CHRM2: variants seen among roughly 807,000 people sequenced by gnomAD.
CHRM2 encodes muscarinic acetylcholine receptor M2.
A neutral mutation model predicts 25.0 loss-of-function variants in CHRM2; 8 were observed. The observed-to-expected ratio is 0.32, with a 90% CI of 0.19 to 0.58. The LOEUF is 0.58. Ranked by LOEUF, CHRM2 falls within the 20% of genes least tolerant of loss-of-function variation. The probability of loss-of-function intolerance (pLI) is 0.88; values close to 1 mark genes in which losing one functional copy is unlikely to be tolerated. For missense variants in CHRM2, 440 were observed against 567.1 expected (o/e 0.78, Z 2.28); for synonymous variants, 202 against 205.7 (o/e 0.98, Z 0.15).
chr7:136,882,006 T>C (rs1192400845), intron 2 of CHRM2, among the ~76,000 whole-genome samples: 1 of 152,062 alleles, frequency 6.6e-6, no homozygotes, highest in Non-Finnish European at 1.5e-5. Flanking sequence ...CCATAAATCT[T>C]TTTTGTTTTA....
chr7:136,897,490 G>A (rs1664905269), intron 2 of CHRM2, among the ~76,000 whole-genome samples: 1 of 152,062 alleles, frequency 6.6e-6, no homozygotes, highest in African/African-American at 2.4e-5. Flanking sequence ...GTGACAAACA[G>A]ATGCAGATTT....
chr7:136,889,083 A>G (rs911219366), intron 2 of CHRM2, among the ~76,000 whole-genome samples: 12 of 148,852 alleles, frequency 8.1e-5, no homozygotes, highest in Admixed American at 7.4e-4. Flanking sequence ...AGTAATTACC[A>G]TTTCAAAAAA....
chr7:136,883,175 A>G (rs1796332424), intron 2 of CHRM2, among the ~76,000 whole-genome samples: 1 of 152,098 alleles, frequency 6.6e-6, no homozygotes, highest in South Asian at 2.1e-4. Flanking sequence ...AGTGGACCTA[A>G]GCTCCCTAGC....
chr7:136,995,274 G>A (rs77821818), intron 3 of CHRM2, among the ~76,000 whole-genome samples: 1 of 151,878 alleles, frequency 6.6e-6, no homozygotes, highest in Non-Finnish European at 1.5e-5. Context: ...AAGGAAGGTC[G>A]ACCTTAGCAA....
chr7:136,906,209 G>A (rs965953045), intron 2 of CHRM2, among the ~76,000 whole-genome samples: 28 of 149,068 alleles, frequency 1.9e-4, no homozygotes, highest in Admixed American at 1.6e-3. Context: ...ATATATATAC[G>A]CACACATATA....
chr7:136,919,059 G>A (rs1017539273), intron 2 of CHRM2, among the ~76,000 whole-genome samples: 4 of 151,970 alleles, frequency 2.6e-5, no homozygotes, highest in Admixed American at 1.3e-4. Context: ...GAAAAGAATC[G>A]GCCATTTTTC....
At chr7:136,881,052 T>G (rs1456868873) in intron 2 of CHRM2, among the ~76,000 whole-genome samples, 1 of 150,634 alleles carries the variant, frequency 6.6e-6, no homozygotes, top group East Asian at 1.9e-4. Flanking sequence ...TATAATGGTA[T>G]GTAGATGCCA....
chr7:136,951,381 A>G (rs1800405084), intron 2 of CHRM2, among the ~76,000 whole-genome samples: 1 of 152,234 alleles, frequency 6.6e-6, no homozygotes, highest in African/African-American at 2.4e-5. Flanking sequence ...TGTGTAAGAT[A>G]TATAATAGGC....
intron 2 of CHRM2, among the ~76,000 whole-genome samples, chr7:136,909,456 T>C (rs1429777168): frequency 6.6e-6 from 1 of 151,902 alleles, no homozygotes; most frequent in African/African-American, 2.4e-5. Flanking sequence ...ATGAGTTAGG[T>C]AATAATTTTA....
intron 2 of CHRM2, among the ~76,000 whole-genome samples, chr7:136,872,897 A>C (rs13235822): frequency 0.13 from 20,008 of 152,226 alleles, 1,473 homozygotes; most frequent in Non-Finnish European, 0.17. Context: ...TAGAATATGC[A>C]TGTGAGCGAA....
intron 3 of CHRM2, among the ~76,000 whole-genome samples, chr7:136,994,371 A>T (rs1264443796): frequency 1.3e-5 from 2 of 152,124 alleles, no homozygotes; most frequent in Admixed American, 6.6e-5. Context: ...ATAATCATTA[A>T]TATTATGACT....
chr7:137,006,015 C>T lies in CHRM2; in HGVS notation c.-46-8805C>T, dbSNP rs549804275. Among the ~76,000 whole-genome samples, 432 of 152,110 alleles carry T rather than the reference C, an allele frequency of 2.8e-3. 10 individuals carry two copies. Among genetic ancestry groups the T allele is most frequent in the Non-Finnish European group, 8.7e-4 (59 of 67,992 alleles). On this transcript the variant is annotated intron_variant, in intron 3 of 3. Coordinates refer to ENST00000680005, the MANE Select transcript of CHRM2 (RefSeq NM_001006630.2). Reference sequence around the variant, plus strand: ...ATTTTCCTTTCACTCTTCTTCCTTGCGGGAACAAAACAACCTTTAGACAGA... The same window carrying T: ...ATTTTCCTTTCACTCTTCTTCCTTGTGGGAACAAAACAACCTTTAGACAGA...
intron 2 of CHRM2, among the ~76,000 whole-genome samples, chr7:136,978,671 A>T (rs1179894211): frequency 1.3e-5 from 2 of 151,508 alleles, no homozygotes; most frequent in East Asian, 3.9e-4. Flanking sequence ...TCATTGTTCA[A>T]CTCCCACTTA....
intron 2 of CHRM2, among the ~76,000 whole-genome samples, chr7:136,983,389 C>T (rs1404445407): frequency 1.3e-5 from 2 of 152,126 alleles, no homozygotes; most frequent in African/African-American, 4.8e-5. Flanking sequence ...GCTCCTTTAG[C>T]TTGGAGGACT....
chr7:136,962,588 C>T (rs1801168948), intron 2 of CHRM2, among the ~76,000 whole-genome samples: 1 of 152,136 alleles, frequency 6.6e-6, no homozygotes, highest in Non-Finnish European at 1.5e-5. Flanking sequence ...ATGAAACTGT[C>T]CACTTAATTG....
intron 2 of CHRM2, among the ~76,000 whole-genome samples, chr7:136,967,602 GC>G (rs369113211): frequency 3.9e-5 from 6 of 151,990 alleles, no homozygotes; most frequent in South Asian, 2.1e-4. Context: ...CACACATTAG[GC>G]CCTTCCAACT....
In CHRM2 at chr7:137,017,477, A is replaced by ATC. The variant is rs1805247145; in HGVS notation, c.*1212_*1213dup. The ATC allele has an allele frequency of 6.6e-6, 1 of 151,998 alleles. No homozygotes were observed. Among genetic ancestry groups the ATC allele is most frequent in the Non-Finnish European group, 1.5e-5 (1 of 67,946 alleles). The allele number at this position is 151,998 out of a possible 1,614,324, so 9.4% of individuals were successfully genotyped here. A position where few individuals can be genotyped will look rare whatever the true frequency, so the allele number is the denominator to read the frequency against. On this transcript the variant is annotated 3_prime_UTR_variant, in exon 4 of 4. Coordinates refer to ENST00000680005, the MANE Select transcript of CHRM2 (RefSeq NM_001006630.2). Reference sequence around the variant, plus strand: ...CAGTCCCTAGAGAATAGAACCTTCTATCCAATGCCTGCTAAAGGATGATAT... The same window carrying ATC: ...CAGTCCCTAGAGAATAGAACCTTCTATCTCCAATGCCTGCTAAAGGATGATAT...
At chr7:136,959,985 A>G (rs1390925696) in intron 2 of CHRM2, among the ~76,000 whole-genome samples, 1 of 152,152 alleles carries the variant, frequency 6.6e-6, no homozygotes, top group Non-Finnish European at 1.5e-5. Flanking sequence ...TCTAAATAGT[A>G]CAGCCTCATA....
intron 2 of CHRM2, chr7:136,903,228 G>A (rs1245130086): frequency 5.6e-6 from 3 of 534,184 alleles, no homozygotes; most frequent in Non-Finnish European, 1.2e-5. Flanking sequence ...GGTGGGTCAA[G>A]TTTAGAGATG....
Sources: gnomAD v4.1 joint callset for allele counts (sites outside exome capture counted in the v4.1 genomes callset) on GRCh38, gnomAD v4.1.1 for gene constraint, MANE v1.5 for transcripts, NCBI Gene and HGNC (gene_info 2026-07-23, HGNC 2026-07-21) for gene names.